Variants in SIPA1L3 observed in about 807,000 individuals in gnomAD.
The protein encoded by SIPA1L3 is signal induced proliferation associated 1 like 3.
A neutral mutation model predicts 150.1 loss-of-function variants in SIPA1L3; 59 were observed. That is an observed-to-expected ratio of 0.39 (90% CI 0.32 to 0.49). The LOEUF (loss-of-function observed/expected upper bound fraction) is 0.49. Among genes scored for constraint, SIPA1L3 ranks in the 20% least tolerant of loss-of-function variants. The pLI is 0.86. For synonymous variants in SIPA1L3, 1,070 were observed against 1,077.6 expected (o/e 0.99, Z 0.14); for missense variants, 2,211 against 2,489.5 (o/e 0.89, Z 2.38).
Position 38,104,730 on chromosome 19 carries a change from C to T in SIPA1L3, c.2030-1807C>T, listed in dbSNP as rs531098241. Among the ~76,000 whole-genome samples, 12 of 152,142 alleles carry T rather than the reference C, an allele frequency of 7.9e-5. No individual in the cohort carries two copies. The South Asian group carries it at 2.1e-3, about 26-fold the overall frequency. Reference sequence around the variant, plus strand: ...AGGATTACAAGCACGTGCCACCAGACCCAACTAATTGTGTACTTTTAGTAG... The same window carrying T: ...AGGATTACAAGCACGTGCCACCAGATCCAACTAATTGTGTACTTTTAGTAG... On this transcript the variant is annotated intron_variant, in intron 6 of 21. Transcript: ENST00000222345.
rs183618823 is a variant in SIPA1L3 at position 38,111,000 on chromosome 19, T to C, written c.2291+616T>C. 2.8e-4 allele frequency among the ~76,000 whole-genome samples: 42 copies of C among 149,198 alleles called. No homozygotes were observed. The East Asian group carries it at 7.2e-3, about 26-fold the overall frequency. ...GGTAGGCCCCACTTTGGAGGTAGAA[T>C]TGAGGAGGTTTTTGTTGTTTTGGGT... On this transcript the variant is annotated intron_variant, in intron 8 of 21. Coordinates refer to ENST00000222345, the MANE Select transcript of SIPA1L3 (RefSeq NM_015073.3).
chr19:38,182,664 C>T lies in SIPA1L3; in HGVS notation c.4354C>T (p.Arg1452Cys), dbSNP rs146672679. The T allele has an allele frequency of 3.6e-5, 58 of 1,614,082 alleles. No homozygotes were observed. In the Middle Eastern group the frequency reaches 6.6e-4, roughly 18 times the overall value. The part of the protein sequence containing the change: ...PKSFFSKQPV[R>C]NKHPTGWKRT... Reference sequence around the variant, plus strand: ...GTCCTTCTTCTCCAAGCAGCCTGTACGCAATAAGCACCCAACAGGGTGGAA... The same window carrying T: ...GTCCTTCTTCTCCAAGCAGCCTGTATGCAATAAGCACCCAACAGGGTGGAA... Residue 1452 changes from arginine to cysteine, a missense_variant, in exon 16 of 22, where the codon CGC becomes TGC. Around this residue, in one of 5 missense-constraint regions of SIPA1L3, gnomAD observed 806 missense variants for 870.1 expected, o/e 0.93. Transcript: ENST00000222345.
chr19:38,116,940 G>T (rs1178592084), intron 8 of SIPA1L3, among the ~76,000 whole-genome samples: 1 of 152,128 alleles, frequency 6.6e-6, no homozygotes, highest in Non-Finnish European at 1.5e-5. Flanking sequence ...GCCTTTTTGT[G>T]CACTTTTAGC....
intron 1 of SIPA1L3, among the ~76,000 whole-genome samples, chr19:37,978,005 A>C (rs536508159): frequency 6.6e-6 from 1 of 152,220 alleles, no homozygotes; most frequent in Non-Finnish European, 1.5e-5. Flanking sequence ...CCATGTTTGT[A>C]CCTTTAGTCT....
chr19:37,952,142 G>A (rs1429830113), intron 1 of SIPA1L3, among the ~76,000 whole-genome samples: 1 of 152,156 alleles, frequency 6.6e-6, no homozygotes, highest in South Asian at 2.1e-4. Context: ...TAGAGTGTAA[G>A]CTTAATGCTG....
At chr19:38,106,412 A>G (rs1330457980) in intron 6 of SIPA1L3, 125 bp from the exon 7 acceptor site, 8 of 750,508 alleles carry the variant, frequency 1.1e-5, no homozygotes, top group African/African-American at 1.7e-5. Flanking sequence ...TGGCCAGTGT[A>G]TTTAATTTTT....
chr19:37,918,005 A>C (rs895840768), intron 1 of SIPA1L3, among the ~76,000 whole-genome samples: 1 of 147,700 alleles, frequency 6.8e-6, no homozygotes, highest in African/African-American at 2.5e-5. Context: ...ACCCTGTCTC[A>C]AAAAAAAAAG....
intron 2 of SIPA1L3, among the ~76,000 whole-genome samples, chr19:38,073,561 G>A (rs1459330430): frequency 2.6e-5 from 4 of 152,172 alleles, no homozygotes; most frequent in African/African-American, 9.7e-5. Flanking sequence ...ACACAGCACC[G>A]TGTGTCACTC....
intron 12 of SIPA1L3, among the ~76,000 whole-genome samples, chr19:38,149,808 C>G (rs752988200): frequency 3.9e-5 from 6 of 152,172 alleles, no homozygotes; most frequent in Admixed American, 6.5e-5. Flanking sequence ...GTCTGGTGAT[C>G]CAGTCTCATT....
intron 9 of SIPA1L3, 147 bp downstream of exon 9, chr19:38,120,029 T>C: frequency 1.6e-6 from 1 of 609,068 alleles, no homozygotes; most frequent in Non-Finnish European, 2.8e-6. Context: ...ACTAGACATC[T>C]TGTGGGTTCT....
chr19:37,982,056 A>G (rs1967214849), intron 1 of SIPA1L3, among the ~76,000 whole-genome samples: 1 of 152,204 alleles, frequency 6.6e-6, no homozygotes, highest in African/African-American at 2.4e-5. Context: ...GTCACCCGTG[A>G]TATGTGGCAA....
intron 2 of SIPA1L3, among the ~76,000 whole-genome samples, chr19:38,060,780 C>T (rs1969428566): frequency 1.3e-5 from 2 of 152,224 alleles, no homozygotes; most frequent in South Asian, 4.1e-4. Context: ...CAGCCTCTGC[C>T]TCCCGGGTTC....
rs770401527 is a variant in SIPA1L3, at chr19:38,182,671, A to G, written c.4361A>G (p.Lys1454Arg). The stretch of plus-strand genomic sequence containing the variant: ...TTCTCCAAGCAGCCTGTACGCAATA[A>G]GCACCCAACAGGGTGGAAGAGAACG... ...SFFSKQPVRN[K>R]HPTGWKRTEE... is the part of the protein sequence containing the mutation. Residue 1454 changes from lysine (K) to arginine (R), a missense_variant, in exon 16 of 22, where the codon AAG (lysine) becomes AGG (arginine). By Grantham distance (26) the Lys-to-Arg change is conservative. Around this residue, in one of 5 missense-constraint regions of SIPA1L3, gnomAD observed 806 missense variants for 870.1 expected, o/e 0.93. Coordinates refer to ENST00000222345, the MANE Select transcript of SIPA1L3 (RefSeq NM_015073.3). The G allele has an allele frequency of 9.3e-6, 15 of 1,614,184 alleles. No individual in the cohort carries two copies. Among genetic ancestry groups the G allele is most frequent in the Non-Finnish European group, 1.2e-5 (14 of 1,180,022 alleles).
intron 2 of SIPA1L3, among the ~76,000 whole-genome samples, chr19:38,079,972 G>A (rs1294286046): frequency 6.6e-6 from 1 of 152,232 alleles, no homozygotes; most frequent in Non-Finnish European, 1.5e-5. Context: ...AAGAAGGCCA[G>A]TATGATCAGA....
chr19:37,940,252 G>C (rs1170198338), intron 1 of SIPA1L3, among the ~76,000 whole-genome samples: 1 of 150,628 alleles, frequency 6.6e-6, no homozygotes, highest in Non-Finnish European at 1.5e-5. Context: ...CTGCGTTCCA[G>C]CCTGGGTGAC....
chr19:38,016,649 C>CGGGCACATGCCATTACGGGCACAT (rs1401927926), intron 1 of SIPA1L3, among the ~76,000 whole-genome samples: 6 of 152,048 alleles, frequency 3.9e-5, no homozygotes. Flanking sequence ...CATGCCACCA[C>CGGGCACATGCCATTACGGGCACAT]GCTCAGCTAA....
At chr19:38,127,354 T>G (rs1057475900) in intron 9 of SIPA1L3, among the ~76,000 whole-genome samples, 11 of 152,206 alleles carry the variant, frequency 7.2e-5, no homozygotes, top group African/African-American at 1.2e-4. Context: ...TTCTAAAAGA[T>G]ACAACTCTTA....
chr19:38,116,538 A>AAAAG lies in SIPA1L3; in HGVS notation c.2292-2756_2292-2753dup, dbSNP rs4006809. On this transcript the variant is annotated intron_variant, in intron 8 of 21. Coordinates refer to ENST00000222345, the MANE Select transcript of SIPA1L3 (RefSeq NM_015073.3). ...AAGACTCTGTCTCAAAAAAAAAAAA[A>AAAAG]AAAGAAAGAAAGAAAAGAAAAAGAA... Among the ~76,000 whole-genome samples the AAAAG allele has an allele frequency of 2.1e-3, 304 of 142,070 alleles. 5 individuals are homozygous for AAAAG. Among genetic ancestry groups the AAAAG allele is most frequent in the Middle Eastern group, 3.7e-3 (1 of 270 alleles). 93.2% of individuals were successfully genotyped at this position (142,070 alleles called of 152,430 possible).
intron 1 of SIPA1L3, among the ~76,000 whole-genome samples, chr19:37,993,238 G>T (rs1033863326): frequency 2.0e-5 from 3 of 152,198 alleles, no homozygotes; most frequent in African/African-American, 7.2e-5. Flanking sequence ...ACATGGGGCT[G>T]TGGGGATCAC....
Sources: allele counts gnomAD v4.1 joint callset (sites outside exome capture counted in the v4.1 genomes callset), GRCh38; gene constraint gnomAD v4.1.1; regional missense constraint gnomAD v4.1.1; transcripts MANE v1.5; gene names NCBI Gene and HGNC (gene_info 2026-07-23, HGNC 2026-07-21).